The following CHRM3 variants were observed in gnomAD, a reference collection of about 807,000 sequenced individuals.
CHRM3 encodes the protein muscarinic acetylcholine receptor M3.
Under a neutral mutation model 41.8 loss-of-function variants are expected in CHRM3, and 11 were observed. The observed-to-expected ratio is 0.26, with a 90% confidence interval of 0.17 to 0.44. CHRM3 has a LOEUF of 0.44. Among genes scored for constraint, CHRM3 ranks in the 20% least tolerant of loss-of-function variants. The probability of loss-of-function intolerance (pLI) is 1.00; values close to 1 mark genes in which losing one functional copy is unlikely to be tolerated. For synonymous variants in CHRM3, 297 were observed against 301.4 expected (o/e 0.99, Z 0.15); for missense variants, 571 against 745.4 (o/e 0.77, Z 2.72).
chr1:239,407,747 T>C (rs889388180), intron 1 of CHRM3, among the ~76,000 whole-genome samples: 1 of 152,142 alleles, frequency 6.6e-6, no homozygotes, highest in African/African-American at 2.4e-5. Flanking sequence ...ATGTTATTTT[T>C]CTATTAGAAG....
At chr1:239,561,303 A>T (rs1010191100) in intron 3 of CHRM3, among the ~76,000 whole-genome samples, 1 of 152,148 alleles carries the variant, frequency 6.6e-6, no homozygotes, top group African/African-American at 2.4e-5. Context: ...CTATACTCTC[A>T]TTTGTGGCTT....
At chr1:239,428,351 A>G (rs1662562921) in intron 1 of CHRM3, among the ~76,000 whole-genome samples, 1 of 152,210 alleles carries the variant, frequency 6.6e-6, no homozygotes, top group Non-Finnish European at 1.5e-5. Flanking sequence ...GGTCTGGTGC[A>G]GTTGAGTAGA....
intron 6 of CHRM3, among the ~76,000 whole-genome samples, chr1:239,889,601 C>G (rs989438012): frequency 6.6e-5 from 10 of 152,292 alleles, no homozygotes; most frequent in African/African-American, 2.4e-4. Flanking sequence ...GAAGCTCTGC[C>G]AAGGACTCTT....
intron 4 of CHRM3, among the ~76,000 whole-genome samples, chr1:239,658,548 A>G (rs371565331): frequency 6.6e-6 from 1 of 152,326 alleles, no homozygotes; most frequent in East Asian, 1.9e-4. Flanking sequence ...CTGTAAGTGC[A>G]GACTTTACAT....
chr1:239,404,956 T>C (rs2103010845), intron 1 of CHRM3, among the ~76,000 whole-genome samples: 1 of 151,840 alleles, frequency 6.6e-6, no homozygotes, highest in African/African-American at 2.4e-5. Context: ...TGTATATTAT[T>C]TATATAAACA....
chr1:239,618,577 G>A (rs1667925272), intron 3 of CHRM3, among the ~76,000 whole-genome samples: 1 of 151,760 alleles, frequency 6.6e-6, no homozygotes. Flanking sequence ...GGGCGCGGTG[G>A]CTCACGCCTG....
At chr1:239,417,579 G>GTTTTTTTTTTTTTTTTTTTTTTTTTT (rs34926014) in intron 1 of CHRM3, among the ~76,000 whole-genome samples, 1 of 122,666 alleles carries the variant, frequency 8.2e-6, no homozygotes, top group Non-Finnish European at 1.7e-5. Context: ...AGATTAATTT[G>GTTTTTTTTTTTTTTTTTTTTTTTTTT]TTTTTTTTTT....
At chr1:239,639,439 T>A (rs1039420762) in intron 4 of CHRM3, among the ~76,000 whole-genome samples, 2 of 152,224 alleles carry the variant, frequency 1.3e-5, no homozygotes, top group Non-Finnish European at 2.9e-5. Context: ...TTTTATTTCA[T>A]TGAGCAGTGG....
intron 6 of CHRM3, among the ~76,000 whole-genome samples, chr1:239,871,575 A>G (rs902167088): frequency 6.6e-6 from 1 of 152,172 alleles, no homozygotes; most frequent in South Asian, 2.1e-4. Flanking sequence ...TACAGTTTCA[A>G]TGGAAATAAG....
chr1:239,650,933 AAT>A (rs1210649852), intron 4 of CHRM3, among the ~76,000 whole-genome samples: 5 of 152,202 alleles, frequency 3.3e-5, no homozygotes, highest in Non-Finnish European at 5.9e-5. Context: ...TTATGCATAA[AAT>A]ATGTGCACAT....
Position 239,681,771 on chromosome 1 carries a change from C to T in CHRM3, c.-147+3483C>T, listed in dbSNP as rs1658590446. On this transcript the variant is annotated intron_variant, in intron 5 of 6. Transcript: ENST00000676153. ...AAAATTAGCCTGGTGTGGTGGTGCA[C>T]ACCTGTAGTCCTAAATACTTGGGAG... Among the ~76,000 whole-genome samples, 3 of 152,144 alleles carry T rather than the reference C, an allele frequency of 2.0e-5. No individual in the cohort carries two copies. In the South Asian group the frequency reaches 6.2e-4, roughly 32 times the overall value.
chr1:239,677,400 AG>A, intron 4 of CHRM3, among the ~76,000 whole-genome samples: 1 of 152,348 alleles, frequency 6.6e-6, no homozygotes, highest in East Asian at 1.9e-4. Flanking sequence ...ATAAAACATT[AG>A]GGGGAACTCA....
rs386370161 is a variant in CHRM3, at chr1:239,519,741, C to CTTTTTTTTTT, written c.-421-25885_-421-25876dup. 1.1e-3 allele frequency among the ~76,000 whole-genome samples: 94 copies of CTTTTTTTTTT among 85,058 alleles called. 4 individuals are homozygous for CTTTTTTTTTT. Among genetic ancestry groups the CTTTTTTTTTT allele is most frequent in the Non-Finnish European group, 1.5e-3 (73 of 48,050 alleles). 55.8% of individuals were successfully genotyped at this position (85,058 alleles called of 152,430 possible). A position where few individuals can be genotyped will look rare whatever the true frequency, so the allele number is the denominator to read the frequency against. ...ATTTTCACGTGGTTAAAAACTAGTTCTTTTTTTTTTTTTTTTTTTTTTTTG... is the reference window on the plus strand; with the variant it reads ...ATTTTCACGTGGTTAAAAACTAGTTCTTTTTTTTTTTTTTTTTTTTTTTTTTTTTTTTTTG... On this transcript the variant is annotated intron_variant, in intron 2 of 6. Transcript: ENST00000676153.
At chr1:239,590,065 T>C (rs1372805640) in intron 3 of CHRM3, among the ~76,000 whole-genome samples, 1 of 152,160 alleles carries the variant, frequency 6.6e-6, no homozygotes, top group African/African-American at 2.4e-5. Flanking sequence ...GTCTTGGACC[T>C]AAAATCGTGG....
chr1:239,648,213 C>T (rs909591218), intron 4 of CHRM3, among the ~76,000 whole-genome samples: 53 of 152,272 alleles, frequency 3.5e-4, no homozygotes, highest in African/African-American at 1.3e-3. Context: ...TGTTGTTAAT[C>T]ATGACTTACC....
At chr1:239,783,030 C>A (rs973284048) in intron 5 of CHRM3, among the ~76,000 whole-genome samples, 2 of 149,890 alleles carry the variant, frequency 1.3e-5, no homozygotes, top group Non-Finnish European at 2.9e-5. Flanking sequence ...AGAATGTGGT[C>A]TATTTTGGTG....
At chr1:239,449,867 T>C (rs1187217606) in intron 1 of CHRM3, among the ~76,000 whole-genome samples, 1 of 152,054 alleles carries the variant, frequency 6.6e-6, no homozygotes, top group Non-Finnish European at 1.5e-5. Context: ...TTCAAGTCCC[T>C]GCGTGTTAGG....
rs556530308 is a variant in CHRM3, at chr1:239,677,532, C to T, written c.-249-654C>T. On this transcript the variant is annotated intron_variant, in intron 4 of 6. Transcript: ENST00000676153. ...GCTGGGAAGTCTAAGATCAAGGCAC[C>T]GGTATCTGGCCTTCTTGCTGAGTCA... 5.9e-5 allele frequency among the ~76,000 whole-genome samples: 9 copies of T among 152,246 alleles called. No individual in the cohort carries two copies. The South Asian group carries it at 8.3e-4, about 14-fold the overall frequency.
intron 5 of CHRM3, among the ~76,000 whole-genome samples, chr1:239,684,179 G>A (rs556712563): frequency 1.3e-5 from 2 of 152,232 alleles, no homozygotes; most frequent in South Asian, 4.1e-4. Context: ...GAACAATTAA[G>A]TAAGTTGTTT....
Sources: allele counts gnomAD v4.1 joint callset (sites outside exome capture counted in the v4.1 genomes callset), GRCh38; gene constraint gnomAD v4.1.1; transcripts MANE v1.5; gene names NCBI Gene and HGNC (gene_info 2026-07-23, HGNC 2026-07-21).